Variants in FGF13 observed in about 807,000 individuals in gnomAD.
FGF13 encodes fibroblast growth factor homologous factor 2.
Under a neutral mutation model 19.5 loss-of-function variants are expected in FGF13, and 2 were observed. The observed-to-expected ratio is 0.10, with a 90% CI of 0.04 to 0.32. The LOEUF (loss-of-function observed/expected upper bound fraction) is 0.32, where lower values mean the gene tolerates loss of function less well. FGF13 is among the 10% of genes least tolerant of loss of function. The pLI, the probability that FGF13 is intolerant of heterozygous loss-of-function variation, is 1.00. For synonymous variants in FGF13, 72 were observed against 76.9 expected (o/e 0.94, Z 0.33); for missense variants, 113 against 192.7 (o/e 0.59, Z 2.45).
At chrX:138,902,187 C>T (rs897005429) in intron 1 of FGF13, among the ~76,000 whole-genome samples, 8 of 112,055 alleles carry the variant, frequency 7.1e-5, no homozygotes, top group South Asian at 7.4e-4. Flanking sequence ...ATCTATTTTC[C>T]GGTCTTTTAG....
At chrX:138,984,605 G>GGAGGAGGAA (rs2091983788) in intron 1 of FGF13, among the ~76,000 whole-genome samples, 1 of 52,814 alleles carries the variant, frequency 1.9e-5, no homozygotes, top group Non-Finnish European at 4.0e-5. Flanking sequence ...AGGAGGAGGA[G>GGAGGAGGAA]GAGGAGGAGG....
intron 1 of FGF13, among the ~76,000 whole-genome samples, chrX:138,943,104 C>G (rs1291796246): frequency 8.9e-6 from 1 of 111,908 alleles, no homozygotes; most frequent in African/African-American, 3.2e-5. Flanking sequence ...TATATATATA[C>G]TTTTTTGTAC....
Position 139,200,860 on chromosome X carries a change from G to T in FGF13, c.-113+2556C>A, listed in dbSNP as rs778012525. ...GCCTTAACTGAGTGCTTTTCCAACA[G>T]AAGACTGCTGAAAAGATCTTATGTG... On this transcript the variant is annotated intron_variant, in intron 1 of 2. Transcript: ENST00000421460. Among the ~76,000 whole-genome samples the T allele has an allele frequency of 2.7e-5, 3 of 112,397 alleles. No individual in the cohort carries two copies. In the South Asian group the frequency reaches 1.1e-3, roughly 42 times the overall value.
chrX:139,035,852 C>T (rs1750200100), intron 1 of FGF13, among the ~76,000 whole-genome samples: 1 of 111,676 alleles, frequency 9.0e-6, no homozygotes. Flanking sequence ...TCTTCACCCA[C>T]TCACCCACCT....
At chrX:139,049,388 C>G (rs2092297584) in intron 1 of FGF13, among the ~76,000 whole-genome samples, 1 of 111,848 alleles carries the variant, frequency 8.9e-6, no homozygotes, top group African/African-American at 3.2e-5. Context: ...GCTTGCATTT[C>G]TATAACGAAC....
chrX:138,904,075 C>T (rs890799659), intron 1 of FGF13, among the ~76,000 whole-genome samples: 5 of 111,827 alleles, frequency 4.5e-5, no homozygotes, highest in African/African-American at 1.6e-4. Flanking sequence ...TATGATTGTT[C>T]TGCCTCTCTT....
chrX:139,054,899 G>GTATTGTATTGTA (rs2092316084), intron 1 of FGF13, among the ~76,000 whole-genome samples: 2 of 98,925 alleles, frequency 2.0e-5, no homozygotes, highest in Non-Finnish European at 4.0e-5. Context: ...GTTGTGTTGT[G>GTATTGTATTGTA]TTGTATTGTA....
At chrX:138,790,536 C>T (rs1352712245) in intron 3 of FGF13, among the ~76,000 whole-genome samples, 1 of 111,077 alleles carries the variant, frequency 9.0e-6, no homozygotes, top group Non-Finnish European at 1.9e-5. Flanking sequence ...GAACCCACCT[C>T]AGAAATGATT....
intron 1 of FGF13, among the ~76,000 whole-genome samples, chrX:139,066,956 C>T (rs910101661): frequency 2.7e-5 from 3 of 111,462 alleles, no homozygotes; most frequent in Admixed American, 9.6e-5. Flanking sequence ...CTTCATCCCT[C>T]GGATGCAAGG....
At chrX:139,189,029 G>T (rs2084302795) in intron 1 of FGF13, among the ~76,000 whole-genome samples, 2 of 108,331 alleles carry the variant, frequency 1.8e-5, no homozygotes, top group Admixed American at 2.0e-4. Flanking sequence ...AAGGATGAAG[G>T]ATCATAGAGG....
At chrX:139,045,352 G>A (rs1386753900) in intron 1 of FGF13, among the ~76,000 whole-genome samples, 3 of 112,250 alleles carry the variant, frequency 2.7e-5, no homozygotes, top group Non-Finnish European at 5.6e-5. Flanking sequence ...AGGCTGCTGG[G>A]AAAGTCTCTG....
chrX:139,159,897 T>A (rs1188023729), intron 1 of FGF13, among the ~76,000 whole-genome samples: 2 of 110,983 alleles, frequency 1.8e-5, no homozygotes, highest in Non-Finnish European at 3.8e-5. Context: ...ACTGGGAGAC[T>A]TTAACACCTC....
At chrX:139,112,214 C>G (rs189007584) in intron 1 of FGF13, among the ~76,000 whole-genome samples, 21 of 111,574 alleles carry the variant, frequency 1.9e-4, no homozygotes, top group African/African-American at 6.5e-4. Context: ...CTTTCTGAGT[C>G]CTTATTTCCT....
intron 1 of FGF13, among the ~76,000 whole-genome samples, chrX:139,084,402 T>C (rs1200514727): frequency 8.9e-6 from 1 of 111,871 alleles, no homozygotes; most frequent in East Asian, 2.8e-4. Context: ...TTTCCTTGCC[T>C]AGGCCCTGGT....
Position 138,788,138 on chromosome X carries a change from A to G in FGF13, c.217+69374T>C, listed in dbSNP as rs941680763. Among the ~76,000 whole-genome samples the G allele has an allele frequency of 5.2e-4, 58 of 111,927 alleles. 1 individual carries two copies. The highest frequency in any genetic ancestry group is 1.9e-3 in the African/African-American group (58 of 30,760). On this transcript the variant is annotated intron_variant, in intron 3 of 6. Transcript: ENST00000436198. The stretch of plus-strand genomic sequence containing the variant: ...AGGCAAAATTCTTCTCTATTTATAA[A>G]CTTGTGAAACCAAGCAAGTCATGTC...
rs1603204629 is a variant in FGF13 at position 139,108,851 on chromosome X, C to G, written c.-113+94565G>C. On this transcript the variant is annotated intron_variant, in intron 1 of 2. Transcript: ENST00000421460. ...GCTCTCCCTCCCCCAACCCCACCCCCCAACAGGCCCCAGTGTGTGTTGTTC... is the reference window on the plus strand; with the variant it reads ...GCTCTCCCTCCCCCAACCCCACCCCGCAACAGGCCCCAGTGTGTGTTGTTC... Among the ~76,000 whole-genome samples the G allele has an allele frequency of 5.7e-5, 6 of 104,899 alleles. No homozygotes were observed. The South Asian group carries it at 2.3e-3, about 41-fold the overall frequency. 91.1% of individuals were successfully genotyped at this position (104,899 alleles called of 115,157 possible).
chrX:139,037,890 T>C (rs181574548), intron 1 of FGF13, among the ~76,000 whole-genome samples: 1 of 111,930 alleles, frequency 8.9e-6, no homozygotes, highest in Non-Finnish European at 1.9e-5. Flanking sequence ...TTGTGATGGA[T>C]AGTTTGAATT....
At chrX:138,919,755 C>G (rs1182733902) in intron 1 of FGF13, among the ~76,000 whole-genome samples, 1 of 109,529 alleles carries the variant, frequency 9.1e-6, no homozygotes, top group Non-Finnish European at 1.9e-5. Context: ...ACAGAACAGT[C>G]TTCTGTATAG....
intron 1 of FGF13, among the ~76,000 whole-genome samples, chrX:138,876,081 A>G (rs1465073243): frequency 9.0e-6 from 1 of 111,267 alleles, no homozygotes; most frequent in African/African-American, 3.3e-5. Flanking sequence ...GCAAACGCAC[A>G]CTATGGGAAG....
Sources: allele counts gnomAD v4.1 joint callset (sites outside exome capture counted in the v4.1 genomes callset), GRCh38; gene constraint gnomAD v4.1.1; transcripts MANE v1.5; gene names NCBI Gene and HGNC (gene_info 2026-07-23, HGNC 2026-07-21).